Variants in USH2A observed in about 807,000 individuals in gnomAD.
USH2A encodes Usher syndrome 2A (autosomal recessive, mild).
A neutral mutation model predicts 538.9 loss-of-function variants in USH2A; 443 were observed. That is an observed-to-expected ratio of 0.82 (90% CI 0.76 to 0.89). USH2A has a LOEUF of 0.89. Among genes scored for constraint, USH2A ranks in the 40% least tolerant of loss-of-function variants. The pLI is 0.00. For missense variants in USH2A, 6,633 were observed against 6,324.8 expected, an observed-to-expected ratio of 1.05 and a Z score of -1.65; for synonymous variants, 2,413 against 2,273.5, an observed-to-expected ratio of 1.06 and a Z score of -1.75.
chr1:215,917,858 G>C (rs1270429298), intron 38 of USH2A, among the ~76,000 whole-genome samples: 1 of 151,248 alleles, frequency 6.6e-6, no homozygotes, highest in African/African-American at 2.4e-5. Flanking sequence ...AGCTACTCAG[G>C]ATGCTGAGGT....
At chr1:216,158,852 A>G (rs946737525) in intron 21 of USH2A, among the ~76,000 whole-genome samples, 3 of 152,166 alleles carry the variant, frequency 2.0e-5, no homozygotes, top group African/African-American at 7.2e-5. Context: ...ACATGGCGTA[A>G]CTTTCCATTT....
chr1:216,068,647 A>G (rs2031458270), intron 30 of USH2A, among the ~76,000 whole-genome samples: 1 of 152,318 alleles, frequency 6.6e-6, no homozygotes, highest in East Asian at 1.9e-4. Context: ...AGAAACAGAA[A>G]GAGTCAGGGT....
intron 27 of USH2A, among the ~76,000 whole-genome samples, chr1:216,077,796 ATATAAT>A (rs2031800911): frequency 6.6e-6 from 1 of 150,514 alleles, no homozygotes; most frequent in East Asian, 1.9e-4. Flanking sequence ...TGTACCACAT[ATATAAT>A]TATATGTCAC....
At chr1:215,753,939 G>A (rs1210266900) in intron 58 of USH2A, among the ~76,000 whole-genome samples, 3 of 152,186 alleles carry the variant, frequency 2.0e-5, no homozygotes, top group Non-Finnish European at 4.4e-5. Flanking sequence ...AAATCTGAGA[G>A]ACTTTGGTCA....
At chr1:216,249,660 T>A (rs2036121224) in intron 12 of USH2A, among the ~76,000 whole-genome samples, 1 of 152,170 alleles carries the variant, frequency 6.6e-6, no homozygotes, top group African/African-American at 2.4e-5. Context: ...ATGTAATGTT[T>A]CTTTAAACCA....
At chr1:216,280,787 G>A (rs1208629947) in intron 11 of USH2A, among the ~76,000 whole-genome samples, 1 of 152,144 alleles carries the variant, frequency 6.6e-6, no homozygotes, top group African/African-American at 2.4e-5. Flanking sequence ...AGTGCCAAAG[G>A]GAAAGTTCCC....
At chr1:216,023,544 A>G in intron 32 of USH2A, among the ~76,000 whole-genome samples, 1 of 149,858 alleles carries the variant, frequency 6.7e-6, no homozygotes, top group East Asian at 2.0e-4. Context: ...AGGAGAGAAA[A>G]ACAACAAAAC....
Position 215,741,392 on chromosome 1 carries a change from G to A in USH2A, c.11694C>T (p.Ile3898=), listed in dbSNP as rs2102725564. 4.3e-6 allele frequency: 7 copies of A among 1,613,920 alleles called. No individual in the cohort carries two copies. The highest frequency in any genetic ancestry group is 1.3e-5 in the African/African-American group (1 of 74,996). ...MPPEKPNGII[I]NYFIYRRPAG... The stretch of plus-strand genomic sequence containing the variant: ...AATCTTACCTGTAAATAAAGTAGTT[G>A]ATGATGATTCCATTTGGTTTTTCAG... The change falls in exon 60 of 72, where the codon ATC becomes ATT. Residue 3898 remains isoleucine (I), a synonymous_variant. Coordinates refer to ENST00000307340, the MANE Select transcript of USH2A (RefSeq NM_206933.4).
At chr1:216,107,098 A>C (rs924932027) in intron 21 of USH2A, among the ~76,000 whole-genome samples, 7 of 151,878 alleles carry the variant, frequency 4.6e-5, no homozygotes, top group African/African-American at 1.7e-4. Context: ...CATTTGAAAA[A>C]CAATAGCTAT....
chr1:216,073,146 G>A lies in USH2A; in HGVS notation c.5727C>T (p.Tyr1909=). The A allele has an allele frequency of 6.2e-7, 1 of 1,613,814 alleles. No individual in the cohort carries two copies. Among genetic ancestry groups the A allele is most frequent in the Non-Finnish European group, 8.5e-7 (1 of 1,179,930 alleles). The change falls in exon 28 of 72, where the codon TAC becomes TAT. Residue 1909 remains tyrosine (Y), a synonymous_variant. Transcript: ENST00000307340. ...CGTAAACACTCTGCTCTTTTCCCTG[G>A]TAAACCAGGATGGAGTCATTTCCCC... ...NCRGNDSILV[Y]QGKEQSVYEG...
chr1:215,930,519 C>T (rs967172353), intron 38 of USH2A, among the ~76,000 whole-genome samples: 8 of 152,032 alleles, frequency 5.3e-5, no homozygotes, highest in African/African-American at 1.9e-4. Flanking sequence ...TCTTTGCCTT[C>T]CTCCTCTAAG....
intron 69 of USH2A, among the ~76,000 whole-genome samples, chr1:215,636,045 C>G (rs1656472023): frequency 6.6e-6 from 1 of 152,280 alleles, no homozygotes; most frequent in African/African-American, 2.4e-5. Flanking sequence ...ACCTGTGGAT[C>G]TGATGCAGCG....
intron 15 of USH2A, among the ~76,000 whole-genome samples, chr1:216,213,127 T>A (rs1572056435): frequency 2.0e-5 from 3 of 152,142 alleles, no homozygotes; most frequent in Admixed American, 6.5e-5. Flanking sequence ...AATTGCTTTA[T>A]TAATTTCTTT....
At chr1:216,383,435 T>G (rs533069115) in intron 3 of USH2A, among the ~76,000 whole-genome samples, 1 of 152,302 alleles carries the variant, frequency 6.6e-6, no homozygotes, top group South Asian at 2.1e-4. Flanking sequence ...TCATATAAAT[T>G]TTTAAATAAG....
intron 55 of USH2A, among the ~76,000 whole-genome samples, chr1:215,767,170 C>T (rs1261545604): frequency 6.6e-6 from 1 of 152,046 alleles, no homozygotes; most frequent in Non-Finnish European, 1.5e-5. Flanking sequence ...TTTGAAAGTC[C>T]TTCCTTATAT....
intron 13 of USH2A, among the ~76,000 whole-genome samples, chr1:216,237,511 AAAAG>A (rs1553319118): frequency 1.3e-5 from 2 of 151,580 alleles, no homozygotes; most frequent in South Asian, 2.1e-4. Context: ...AAAAAAAAAA[AAAAG>A]AAAGAAAAAG....
In USH2A at chr1:215,647,627, G is replaced by A. The variant is rs577860868; in HGVS notation, c.14686C>T (p.Leu4896Phe). Residue 4896 changes from leucine to phenylalanine, a missense_variant, in exon 67 of 72, where the codon CTT (leucine) becomes TTT (phenylalanine). By Grantham distance (22) the Leu-to-Phe change is conservative. Transcript: ENST00000307340. ...KYTGLGQKAS[L>F]GGLQPYTTYK... is the part of the protein sequence containing the mutation. ...GTGGTGTAGGGCTGGAGACCCCCAA[G>A]GCTGGCTTTCTGCCCCAGCCCCGTG... is the stretch of plus-strand genomic sequence containing the variant. 124 of 1,614,154 alleles carry A rather than the reference G, an allele frequency of 7.7e-5. No homozygotes were observed. The South Asian group carries it at 1.3e-3, about 17-fold the overall frequency.
chr1:215,719,144 G>A (rs1044318895), intron 61 of USH2A, among the ~76,000 whole-genome samples: 8 of 152,134 alleles, frequency 5.3e-5, no homozygotes, highest in African/African-American at 1.9e-4. Context: ...AAGTGTGAGA[G>A]TGTGTGTCTG....
At chr1:215,778,187 G>T (rs2102759053) in intron 55 of USH2A, among the ~76,000 whole-genome samples, 1 of 152,102 alleles carries the variant, frequency 6.6e-6, no homozygotes, top group East Asian at 1.9e-4. Flanking sequence ...GAGTAGCTGG[G>T]ATTACAGATG....
Sources: gnomAD v4.1 joint callset for allele counts (sites outside exome capture counted in the v4.1 genomes callset) on GRCh38, gnomAD v4.1.1 for gene constraint, MANE v1.5 for transcripts, NCBI Gene and HGNC (gene_info 2026-07-23, HGNC 2026-07-21) for gene names.